Variants in AGL observed in about 807,000 individuals in gnomAD.
AGL encodes the protein glycogen debranching enzyme.
In AGL, 128 loss-of-function variants were observed where a neutral mutation model predicts 199.3. That is an observed-to-expected ratio of 0.64 (90% CI 0.56 to 0.74). AGL has a LOEUF of 0.74. AGL is among the 30% of genes least tolerant of loss of function. The probability of loss-of-function intolerance (pLI) is 0.00; values close to 1 mark genes in which losing one functional copy is unlikely to be tolerated. For synonymous variants in AGL, 584 were observed against 594.7 expected, an observed-to-expected ratio of 0.98 and a Z score of 0.26; for missense variants, 1,809 against 1,820.8, an observed-to-expected ratio of 0.99 and a Z score of 0.12.
intron 1 of AGL, 181 bp downstream of exon 1, chr1:99,850,596 AT>A (rs1216281213): frequency 5.6e-6 from 1 of 178,412 alleles, no homozygotes; most frequent in Non-Finnish European, 1.2e-5. Context: ...CCCACCTGTT[AT>A]CTTTGAGCAG....
chr1:99,851,772 A>G (rs1648969110), intron 2 of AGL, among the ~76,000 whole-genome samples: 1 of 152,226 alleles, frequency 6.6e-6, no homozygotes, highest in Non-Finnish European at 1.5e-5. Flanking sequence ...TAATTTTTCA[A>G]CATTGAAGAA....
chr1:99,915,519 C>A, intron 31 of AGL, 33 bp downstream of exon 31: 9 of 1,491,020 alleles, frequency 6.0e-6, no homozygotes, highest in Non-Finnish European at 8.4e-6. Flanking sequence ...AGAATGTTAT[C>A]ATATTTAATC....
At position 99,907,693 on chromosome 1, in the gene AGL, G is replaced by GTTTTTTTGTTTTTTT. The variant is rs1553191718; in HGVS notation, c.3701-3012_3701-3011insGTTTTTTTTTTTTTT. On this transcript the variant is annotated intron_variant, in intron 27 of 33. Coordinates refer to ENST00000361915, the MANE Select transcript of AGL (RefSeq NM_000642.3). The stretch of plus-strand genomic sequence containing the variant: ...TTTTGTTCGTTTGTTTTTGTTTTTT[G>GTTTTTTTGTTTTTTT]TTTTTTTTGCTAGTAGCCATCCTAA... 2.5e-5 allele frequency among the ~76,000 whole-genome samples: 3 copies of GTTTTTTTGTTTTTTT among 118,944 alleles called. 1 individual carries two copies. The highest frequency in any genetic ancestry group is 5.4e-5 in the Non-Finnish European group (3 of 55,858). 78.0% of individuals were successfully genotyped at this position (118,944 alleles called of 152,430 possible).
intron 2 of AGL, among the ~76,000 whole-genome samples, chr1:99,854,879 G>A (rs72725944): frequency 0.039 from 5,884 of 151,826 alleles, 169 homozygotes; most frequent in Non-Finnish European, 0.06. Flanking sequence ...TCTGATTAAA[G>A]AAAAGGATTG....
chr1:99,869,988 G>A (rs1038048879), intron 5 of AGL, among the ~76,000 whole-genome samples: 8 of 152,096 alleles, frequency 5.3e-5, no homozygotes, highest in African/African-American at 1.9e-4. Flanking sequence ...GGAATACTGT[G>A]CCAAACTCCT....
intron 11 of AGL, 139 bp from the exon 12 acceptor site, chr1:99,877,502 A>T: frequency 1.1e-5 from 8 of 735,918 alleles, no homozygotes; most frequent in African/African-American, 7.1e-5. Flanking sequence ...ACATTATCTC[A>T]TACCACTTTA....
chr1:99,912,622 A>C, intron 29 of AGL, 105 bp downstream of exon 29: 1 of 847,356 alleles, frequency 1.2e-6, no homozygotes, highest in Non-Finnish European at 1.9e-6. Context: ...GAAAACCCTT[A>C]AAATTAAGAA....
chr1:99,903,773 T>A (rs1021185995), intron 27 of AGL, among the ~76,000 whole-genome samples: 4 of 152,298 alleles, frequency 2.6e-5, no homozygotes, highest in African/African-American at 9.6e-5. Context: ...GTGTTCCTAT[T>A]TCTCCACATC....
rs140872573 is a variant in AGL, at chr1:99,874,778, G to A, written c.1050G>A (p.Met350Ile). Residue 350 changes from methionine (M) to isoleucine (I), a missense_variant, in exon 8 of 34, where the codon ATG (methionine) becomes ATA (isoleucine). Physicochemically the swap from Met to Ile is conservative, Grantham distance 10 (BLOSUM62 1). Coordinates refer to ENST00000361915, the MANE Select transcript of AGL (RefSeq NM_000642.3). ...EYRRFGCTVD[M>I]NIALTTFIPH... ...GACGGTTTGGCTGTACTGTAGATAT[G>A]AACATTGCACTAACGACTTTCATAC... 4.1e-5 allele frequency: 66 copies of A among 1,613,672 alleles called. No individual in the cohort carries two copies. Among genetic ancestry groups the A allele is most frequent in the East Asian group, 4.0e-4 (18 of 44,850 alleles).
chr1:99,919,756 G>A (rs1655387650), intron 33 of AGL, among the ~76,000 whole-genome samples: 1 of 151,780 alleles, frequency 6.6e-6, no homozygotes. Context: ...TCCCACATTG[G>A]GCCATCACCA....
intron 2 of AGL, among the ~76,000 whole-genome samples, chr1:99,859,389 A>G (rs990401413): frequency 8.6e-6 from 1 of 115,742 alleles, no homozygotes; most frequent in East Asian, 2.4e-4. Flanking sequence ...TATCTAAACA[A>G]TTTTGTAACC....
chr1:99,887,306 C>T (rs1652525269), intron 20 of AGL, among the ~76,000 whole-genome samples: 1 of 152,220 alleles, frequency 6.6e-6, no homozygotes, highest in Admixed American at 6.5e-5. Context: ...TACTGCTAAC[C>T]AAACAAAGGG....
intron 11 of AGL, 24 bp downstream of exon 11, chr1:99,876,621 T>G (rs1474081597): frequency 1.2e-6 from 2 of 1,613,206 alleles, no homozygotes; most frequent in Admixed American, 1.7e-5. Context: ...AACTTCTCTG[T>G]GGATGGGGAA....
chr1:99,863,748 CTTTTT>C (rs11372707), intron 4 of AGL, among the ~76,000 whole-genome samples: 21 of 118,884 alleles, frequency 1.8e-4, no homozygotes, highest in African/African-American at 6.6e-4. Flanking sequence ...TGCGCCTGGC[CTTTTT>C]TTTTTTTTTT....
chr1:99,889,242 A>G (rs892827746), intron 21 of AGL, among the ~76,000 whole-genome samples: 1 of 152,354 alleles, frequency 6.6e-6, no homozygotes, highest in African/African-American at 2.4e-5. Flanking sequence ...ACTTTCAGAA[A>G]GAAGAATTAA....
intron 33 of AGL, among the ~76,000 whole-genome samples, chr1:99,917,206 G>T (rs1655190145): frequency 6.6e-6 from 1 of 152,152 alleles, no homozygotes; most frequent in Admixed American, 6.5e-5. Context: ...GACAGTGTCA[G>T]AGTTACGTAT....
chr1:99,860,745 C>T (rs494740), intron 2 of AGL, among the ~76,000 whole-genome samples: 113,132 of 152,122 alleles, frequency 0.74, 42,890 homozygotes, highest in African/African-American at 0.91. Flanking sequence ...TTTGCTGGCT[C>T]ACAAGAGCTG....
At chr1:99,881,807 T>C (rs1399325870) in intron 17 of AGL, 116 bp downstream of exon 17, 2 of 1,031,468 alleles carry the variant, frequency 1.9e-6, no homozygotes. Flanking sequence ...ACAGTGCTAC[T>C]GTGGACGTAC....
chr1:99,910,699 T>G lies in AGL; in HGVS notation c.3701-13T>G. On this transcript the variant is annotated splice_polypyrimidine_tract_variant and intron_variant, in intron 27 of 33. Transcript: ENST00000361915. ...CTTATAAAATTTTATTTTATACACA[T>G]TTTGTTTTTTAGGTTTTAATATAAC... 2 of 1,515,592 alleles carry G rather than the reference T, an allele frequency of 1.3e-6. No individual in the cohort carries two copies. The highest frequency in any genetic ancestry group is 1.8e-6 in the Non-Finnish European group (2 of 1,103,230). The allele number at this position is 1,515,592 out of a possible 1,614,324, so 93.9% of individuals were successfully genotyped here.
Sources: gnomAD v4.1 joint callset for allele counts (sites outside exome capture counted in the v4.1 genomes callset) on GRCh38, gnomAD v4.1.1 for gene constraint, MANE v1.5 for transcripts, NCBI Gene and HGNC (gene_info 2026-07-23, HGNC 2026-07-21) for gene names.